Variants in GABRA2 observed in about 807,000 individuals in gnomAD.
The protein encoded by GABRA2 is gamma-aminobutyric acid receptor subunit alpha-2.
A neutral mutation model predicts 48.7 loss-of-function variants in GABRA2; 16 were observed. That is an observed-to-expected ratio of 0.33 (90% CI 0.22 to 0.50). GABRA2 has a LOEUF of 0.50. Among genes scored for constraint, GABRA2 ranks in the 20% least tolerant of loss-of-function variants. The pLI is 0.98. For missense variants in GABRA2, 275 were observed against 535.6 expected (o/e 0.51, Z 4.80); for synonymous variants, 185 against 184.5 (o/e 1.00, Z -0.02).
At chr4:46,317,585 C>T (rs1265495536) in intron 4 of GABRA2, among the ~76,000 whole-genome samples, 3 of 151,514 alleles carry the variant, frequency 2.0e-5, no homozygotes, top group African/African-American at 7.3e-5. Flanking sequence ...GGTGAATTTA[C>T]AATACTTATT....
intron 4 of GABRA2, among the ~76,000 whole-genome samples, chr4:46,318,795 C>T (rs548925751): frequency 2.6e-5 from 4 of 151,414 alleles, no homozygotes; most frequent in Non-Finnish European, 4.4e-5. Flanking sequence ...AACAAAAAAC[C>T]GCAAGGATAT....
At chr4:46,297,572 T>C (rs1184026284) in intron 8 of GABRA2, among the ~76,000 whole-genome samples, 2 of 145,718 alleles carry the variant, frequency 1.4e-5, no homozygotes, top group South Asian at 2.2e-4. Context: ...AATTTGTTGG[T>C]GTGATATCAT....
At chr4:46,376,091 C>T (rs1256950595) in intron 3 of GABRA2, among the ~76,000 whole-genome samples, 2 of 152,206 alleles carry the variant, frequency 1.3e-5, no homozygotes, top group Non-Finnish European at 2.9e-5. Context: ...AGACCAACAC[C>T]ACACCTTGTA....
chr4:46,379,857 T>G (rs1187426040), intron 3 of GABRA2, among the ~76,000 whole-genome samples: 1 of 152,138 alleles, frequency 6.6e-6, no homozygotes, highest in Non-Finnish European at 1.5e-5. Flanking sequence ...CTCAGCTCAA[T>G]CTCTTCTTTC....
intron 3 of GABRA2, among the ~76,000 whole-genome samples, chr4:46,358,198 GT>G (rs1560574702): frequency 6.6e-6 from 1 of 151,994 alleles, no homozygotes. Flanking sequence ...TATTAATGCA[GT>G]TTTTTTCTCT....
chr4:46,269,251 C>G (rs537134), intron 8 of GABRA2, among the ~76,000 whole-genome samples: 93,891 of 151,474 alleles, frequency 0.62, 29,658 homozygotes, highest in South Asian at 0.76. Context: ...AATTAGCTGA[C>G]TTTAATCTTC....
intron 8 of GABRA2, among the ~76,000 whole-genome samples, chr4:46,278,472 A>G (rs887303341): frequency 4.6e-5 from 7 of 152,118 alleles, no homozygotes; most frequent in Non-Finnish European, 1.0e-4. Context: ...TCTTTCAAAC[A>G]GGTAGTAAGT....
intron 8 of GABRA2, among the ~76,000 whole-genome samples, chr4:46,301,897 G>A (rs1238751599): frequency 6.6e-6 from 1 of 151,990 alleles, no homozygotes; most frequent in African/African-American, 2.4e-5. Flanking sequence ...ATGAATGAGT[G>A]GACCAAACAC....
intron 8 of GABRA2, among the ~76,000 whole-genome samples, chr4:46,270,540 T>G (rs570405528): frequency 6.6e-6 from 1 of 152,110 alleles, no homozygotes; most frequent in Non-Finnish European, 1.5e-5. Flanking sequence ...ATCACCTCTG[T>G]GAGATCTCTA....
chr4:46,304,731 C>T (rs1247993712), intron 7 of GABRA2, among the ~76,000 whole-genome samples: 1 of 151,758 alleles, frequency 6.6e-6, no homozygotes, highest in Non-Finnish European at 1.5e-5. Flanking sequence ...AGATCGAGAC[C>T]ATCCTGGCCA....
At chr4:46,270,856 T>G (rs910865591) in intron 8 of GABRA2, among the ~76,000 whole-genome samples, 1 of 151,590 alleles carries the variant, frequency 6.6e-6, no homozygotes, top group Admixed American at 6.6e-5. Context: ...CAAACTAAGG[T>G]AGGTAGTTTA....
At chr4:46,267,862 T>C (rs995163447) in intron 8 of GABRA2, among the ~76,000 whole-genome samples, 5 of 152,026 alleles carry the variant, frequency 3.3e-5, no homozygotes, top group African/African-American at 1.2e-4. Flanking sequence ...ATGTTTCAAG[T>C]GCCAAGATGT....
chr4:46,310,064 A>T (rs1292946958), intron 6 of GABRA2, 109 bp downstream of exon 6: 10 of 714,762 alleles, frequency 1.4e-5, no homozygotes, highest in East Asian at 7.6e-5. Context: ...TCTTATTGAC[A>T]ATTGTCAATC....
chr4:46,271,693 C>T (rs1352372248), intron 8 of GABRA2, among the ~76,000 whole-genome samples: 1 of 151,760 alleles, frequency 6.6e-6, no homozygotes, highest in African/African-American at 2.4e-5. Context: ...GTTTCAAAGG[C>T]TAATAATAAT....
intron 6 of GABRA2, among the ~76,000 whole-genome samples, chr4:46,307,893 G>A (rs1271889053): frequency 6.6e-6 from 1 of 152,066 alleles, no homozygotes; most frequent in African/African-American, 2.4e-5. Context: ...TCCCGAAGAG[G>A]GCGAGTTATA....
intron 3 of GABRA2, among the ~76,000 whole-genome samples, chr4:46,385,101 ATATATAT>A (rs1717268847): frequency 1.3e-5 from 2 of 148,694 alleles, no homozygotes; most frequent in Admixed American, 1.3e-4. Context: ...ATATATATAT[ATATATAT>A]AAACAAAACT....
In GABRA2 at chr4:46,263,668, C is replaced by A. The variant is rs186550133; in HGVS notation, c.857-1540G>T. On this transcript the variant is annotated intron_variant, in intron 8 of 9. Coordinates refer to ENST00000381620, the MANE Select transcript of GABRA2 (RefSeq NM_000807.4). ...ACTTTTGAAATCAAGAAGCTTGAGTCCCTTCTTATTCTTATTCATCAGTCT... is the reference window on the plus strand; with the variant it reads ...ACTTTTGAAATCAAGAAGCTTGAGTACCTTCTTATTCTTATTCATCAGTCT... Among the ~76,000 whole-genome samples, 43 of 152,084 alleles carry A rather than the reference C, an allele frequency of 2.8e-4. No homozygotes were observed. The East Asian group carries it at 8.3e-3, about 30-fold the overall frequency.
At chr4:46,271,098 A>G (rs1377296228) in intron 8 of GABRA2, among the ~76,000 whole-genome samples, 2 of 152,002 alleles carry the variant, frequency 1.3e-5, no homozygotes, top group Non-Finnish European at 2.9e-5. Flanking sequence ...CTTCCTATGT[A>G]TTTGTGGTTG....
rs1450570230 is a variant in GABRA2 at position 46,358,256 on chromosome 4, C to T, written c.188-25574G>A. On this transcript the variant is annotated intron_variant, in intron 3 of 9. Coordinates refer to ENST00000381620, the MANE Select transcript of GABRA2 (RefSeq NM_000807.4). Reference sequence around the variant, plus strand: ...GATGTCCCATGATGCAATGATGATTCTTTACATAAAAATATTTTACATCTT... The same window carrying T: ...GATGTCCCATGATGCAATGATGATTTTTTACATAAAAATATTTTACATCTT... Among the ~76,000 whole-genome samples, 6 of 152,116 alleles carry T rather than the reference C, an allele frequency of 3.9e-5. No individual in the cohort carries two copies. The East Asian group carries it at 1.2e-3, about 29-fold the overall frequency.
Sources: gnomAD v4.1 joint callset for allele counts (sites outside exome capture counted in the v4.1 genomes callset) on GRCh38, gnomAD v4.1.1 for gene constraint, MANE v1.5 for transcripts, NCBI Gene and HGNC (gene_info 2026-07-23, HGNC 2026-07-21) for gene names.